Variants in PKP4 observed in about 807,000 individuals in gnomAD.
The protein encoded by PKP4 is plakophilin-4.
Under a neutral mutation model 145.1 loss-of-function variants are expected in PKP4, and 90 were observed. The ratio of observed to expected loss-of-function variants is 0.62; its 90% CI spans 0.52 to 0.74. The LOEUF (loss-of-function observed/expected upper bound fraction) is 0.74, where lower values mean the gene tolerates loss of function less well. PKP4 is among the 30% of genes least tolerant of loss of function. The pLI is 0.00. For missense variants in PKP4, 1,340 were observed against 1,482.7 expected (o/e 0.90, Z 1.58); for synonymous variants, 563 against 577.2 (o/e 0.98, Z 0.35).
At chr2:158,460,328 T>G (rs1305336882) in intron 1 of PKP4, among the ~76,000 whole-genome samples, 1 of 152,240 alleles carries the variant, frequency 6.6e-6, no homozygotes, top group Non-Finnish European at 1.5e-5. Context: ...ATTTTAGCAT[T>G]TCTATGACCT....
chr2:158,663,326 A>G lies in PKP4; in HGVS notation c.2458A>G (p.Met820Val), dbSNP rs770868336. ...GLSKSPKGVE[M>V]LWHPSVVKPY... The stretch of plus-strand genomic sequence containing the variant: ...GTCGAAGTCCCCCAAAGGGGTTGAG[A>G]TGCTGTGGCACCCATCGGTGGTAAA... The change falls in exon 15 of 22, where the codon ATG becomes GTG. Residue 820 changes from methionine to valine, a missense_variant. Met to Val is a conservative substitution (Grantham distance 21). Transcript: ENST00000389759. 3 of 1,613,950 alleles carry G rather than the reference A, an allele frequency of 1.9e-6. No individual in the cohort carries two copies. The highest frequency in any genetic ancestry group is 2.7e-5 in the African/African-American group (2 of 74,910).
intron 11 of PKP4, among the ~76,000 whole-genome samples, chr2:158,652,868 A>G (rs1226724461): frequency 6.6e-6 from 1 of 152,188 alleles, no homozygotes; most frequent in Non-Finnish European, 1.5e-5. Context: ...ACAAGACCTT[A>G]GCATCCATTA....
At position 158,574,153 on chromosome 2, in the gene PKP4, G is replaced by T. The variant is rs896828402; in HGVS notation, c.133-3118G>T. ...CAAAGAAAAGCTTTGTAACACAGGTGAACAGATTCCATTTTCATAGTATAT... is the reference window on the plus strand; with the variant it reads ...CAAAGAAAAGCTTTGTAACACAGGTTAACAGATTCCATTTTCATAGTATAT... On this transcript the variant is annotated intron_variant, in intron 2 of 21. Transcript: ENST00000389759. Among the ~76,000 whole-genome samples the T allele has an allele frequency of 2.6e-5, 4 of 152,214 alleles. No homozygotes were observed. In the East Asian group the frequency reaches 7.7e-4, roughly 29 times the overall value.
chr2:158,536,306 A>T lies in PKP4; in HGVS notation c.132+2990A>T, dbSNP rs574258394. 4.6e-4 allele frequency among the ~76,000 whole-genome samples: 70 copies of T among 152,374 alleles called. 2 individuals are homozygous for T. In the South Asian group the frequency reaches 0.013, roughly 29 times the overall value. ...TTATGTATATGTTATGAGAAAGAGC[A>T]TATAAAAATAAGTTTTATGAACATG... On this transcript the variant is annotated intron_variant, in intron 2 of 21. Coordinates refer to ENST00000389759, the MANE Select transcript of PKP4 (RefSeq NM_003628.6).
At chr2:158,539,833 T>C (rs1410474258) in intron 2 of PKP4, among the ~76,000 whole-genome samples, 1 of 152,216 alleles carries the variant, frequency 6.6e-6, no homozygotes, top group African/African-American at 2.4e-5. Flanking sequence ...AATTCTGAAC[T>C]CTAAAATGGC....
intron 2 of PKP4, among the ~76,000 whole-genome samples, chr2:158,576,074 G>A (rs79008829): frequency 0.036 from 5,469 of 152,182 alleles, 231 homozygotes; most frequent in African/African-American, 0.1. Context: ...GGGATCATTA[G>A]GAAAGGATTC....
intron 4 of PKP4, among the ~76,000 whole-genome samples, chr2:158,620,403 T>A (rs2052101202): frequency 6.6e-6 from 1 of 152,048 alleles, no homozygotes; most frequent in African/African-American, 2.4e-5. Context: ...GAAGAAACAA[T>A]GGTTAGGTTA....
rs753630487 is a variant in PKP4 at position 158,621,285 on chromosome 2, G to A, written c.467G>A (p.Gly156Glu). 2 of 1,614,142 alleles carry A rather than the reference G, an allele frequency of 1.2e-6. No homozygotes were observed. The highest frequency in any genetic ancestry group is 1.7e-6 in the Non-Finnish European group (2 of 1,180,014). Residue 156 changes from glycine to glutamate, a missense_variant, in exon 6 of 22, where the codon GGA becomes GAA. Physicochemically the swap from Gly to Glu is moderately conservative, Grantham distance 98 (BLOSUM62 -2). Transcript: ENST00000389759. ...CAAATGAATTCTTATTCCGACAGTG[G>A]ATACCAGGAAGCAGGGAGTTTCCAC... Reference protein sequence around the residue: ...STQMNSYSDSGYQEAGSFHNS... With the variant: ...STQMNSYSDSEYQEAGSFHNS...
intron 2 of PKP4, among the ~76,000 whole-genome samples, chr2:158,547,189 A>T (rs1458394619): frequency 2.0e-5 from 3 of 152,196 alleles, no homozygotes; most frequent in Non-Finnish European, 4.4e-5. Context: ...ACCTAAGAAT[A>T]AAAGAAAAAG....
chr2:158,555,069 T>C (rs1227614012), intron 2 of PKP4, among the ~76,000 whole-genome samples: 2 of 152,216 alleles, frequency 1.3e-5, no homozygotes, highest in South Asian at 2.1e-4. Flanking sequence ...TTTTATTTAG[T>C]GAAATGATAT....
At chr2:158,596,260 G>A (rs1249468123) in intron 3 of PKP4, among the ~76,000 whole-genome samples, 6 of 152,154 alleles carry the variant, frequency 3.9e-5, no homozygotes, top group Admixed American at 1.3e-4. Flanking sequence ...TGGAAAAAGA[G>A]AGAAATGCAG....
intron 2 of PKP4, among the ~76,000 whole-genome samples, chr2:158,535,746 G>T (rs1006354224): frequency 1.3e-5 from 2 of 152,018 alleles, no homozygotes; most frequent in African/African-American, 2.4e-5. Context: ...TTTAAAAAGC[G>T]TCACTGCCAT....
chr2:158,669,893 A>G lies in PKP4; in HGVS notation c.2902A>G (p.Ile968Val), dbSNP rs2057411992. The G allele has an allele frequency of 6.2e-7, 1 of 1,612,528 alleles. No individual in the cohort carries two copies. The highest frequency in any genetic ancestry group is 8.5e-7 in the Non-Finnish European group (1 of 1,179,174). The change falls in exon 17 of 22, where the codon ATA becomes GTA. Residue 968 changes from isoleucine (I) to valine (V), a missense_variant. Ile to Val is a conservative substitution (Grantham distance 29, BLOSUM62 3). Transcript: ENST00000389759. The stretch of plus-strand genomic sequence containing the variant: ...AGGAGGCATAGAGAAGCTGGTGAAC[A>G]TAACCAAAGGCAGGGGCGACAGGCA... ...DSGGIEKLVN[I>V]TKGRGDRSSL...
At chr2:158,530,503 TC>T (rs2043431500) in intron 1 of PKP4, among the ~76,000 whole-genome samples, 1 of 122,696 alleles carries the variant, frequency 8.2e-6, no homozygotes, top group Admixed American at 9.5e-5. Flanking sequence ...ACTCTTTCTT[TC>T]TTTTTTTTTT....
At chr2:158,546,405 C>A (rs1033835256) in intron 2 of PKP4, among the ~76,000 whole-genome samples, 1 of 152,158 alleles carries the variant, frequency 6.6e-6, no homozygotes, top group African/African-American at 2.4e-5. Flanking sequence ...GGTTAGATGG[C>A]ACAAATAGTA....
intron 1 of PKP4, among the ~76,000 whole-genome samples, chr2:158,485,084 A>G (rs1693973773): frequency 6.6e-6 from 1 of 152,200 alleles, no homozygotes; most frequent in South Asian, 2.1e-4. Context: ...TCTGTGATAG[A>G]CTGAAAGCCT....
At chr2:158,540,919 T>C (rs1239035516) in intron 2 of PKP4, among the ~76,000 whole-genome samples, 1 of 152,172 alleles carries the variant, frequency 6.6e-6, no homozygotes, top group African/African-American at 2.4e-5. Flanking sequence ...TCCTTTTCAG[T>C]TGAATAATCC....
intron 9 of PKP4, among the ~76,000 whole-genome samples, chr2:158,636,517 T>C (rs2053824511): frequency 6.6e-6 from 1 of 152,160 alleles, no homozygotes; most frequent in African/African-American, 2.4e-5. Context: ...TTTAACCTGC[T>C]TAGGGTTCAC....
chr2:158,537,544 A>G (rs13027548), intron 2 of PKP4, among the ~76,000 whole-genome samples: 61,092 of 152,112 alleles, frequency 0.4, 13,004 homozygotes, highest in East Asian at 0.68. Context: ...TCAGAACTTC[A>G]GCCACCACCT....
Sources: gnomAD v4.1 joint callset for allele counts (sites outside exome capture counted in the v4.1 genomes callset) on GRCh38, gnomAD v4.1.1 for gene constraint, MANE v1.5 for transcripts, NCBI Gene and HGNC (gene_info 2026-07-23, HGNC 2026-07-21) for gene names.